GPR158: variants seen among roughly 807,000 people sequenced by gnomAD.
The protein encoded by GPR158 is metabotropic glycine receptor.
Under a neutral mutation model 78.2 loss-of-function variants are expected in GPR158, and 30 were observed. The ratio of observed to expected loss-of-function variants is 0.38; its 90% CI spans 0.29 to 0.52. GPR158 has a LOEUF of 0.52. Among genes scored for constraint, GPR158 ranks in the 20% least tolerant of loss-of-function variants. The probability of loss-of-function intolerance (pLI) is 0.83; values close to 1 mark genes in which losing one functional copy is unlikely to be tolerated. For synonymous variants in GPR158, 581 were observed against 591.1 expected, an observed-to-expected ratio of 0.98 and a Z score of 0.25; for missense variants, 1,463 against 1,523.5, an observed-to-expected ratio of 0.96 and a Z score of 0.66.
chr10:25,405,457 A>C (rs1368322627), intron 3 of GPR158, among the ~76,000 whole-genome samples: 1 of 118,444 alleles, frequency 8.4e-6, no homozygotes, highest in African/African-American at 3.1e-5. Flanking sequence ...TTCTGTAATT[A>C]TTAGTTGAAT....
chr10:25,477,531 A>C (rs560996795), intron 5 of GPR158, among the ~76,000 whole-genome samples: 2 of 152,248 alleles, frequency 1.3e-5, no homozygotes, highest in South Asian at 2.1e-4. Context: ...GAATGGTAGC[A>C]GTTCACTTCT....
chr10:25,466,309 C>A, intron 4 of GPR158: 1 of 190,602 alleles, frequency 5.2e-6, no homozygotes. Flanking sequence ...ACCACGAACC[C>A]TTCGATCGAG....
At chr10:25,287,890 C>T (rs1854375770) in intron 2 of GPR158, among the ~76,000 whole-genome samples, 1 of 152,004 alleles carries the variant, frequency 6.6e-6, no homozygotes. Context: ...CAGTACCAAT[C>T]AATTATGTTT....
At chr10:25,417,662 A>G (rs1459177679) in intron 4 of GPR158, among the ~76,000 whole-genome samples, 1 of 152,180 alleles carries the variant, frequency 6.6e-6, no homozygotes, top group Non-Finnish European at 1.5e-5. Flanking sequence ...TTGATTGTGA[A>G]GCTATGTGCT....
intron 2 of GPR158, among the ~76,000 whole-genome samples, chr10:25,257,096 A>G (rs1234213954): frequency 3.3e-5 from 5 of 152,180 alleles, no homozygotes; most frequent in African/African-American, 4.8e-5. Flanking sequence ...AGTTTTGGAG[A>G]CTGGGAAGTC....
intron 2 of GPR158, among the ~76,000 whole-genome samples, chr10:25,284,102 G>A (rs953306728): frequency 1.5e-4 from 23 of 152,174 alleles, no homozygotes; most frequent in African/African-American, 5.5e-4. Flanking sequence ...GCTGGGTAGA[G>A]TGTTCTATGA....
chr10:25,597,839 C>G lies in GPR158; in HGVS notation c.2213C>G (p.Pro738Arg). The G allele has an allele frequency of 6.5e-7, 1 of 1,537,070 alleles. No homozygotes were observed. Among genetic ancestry groups the G allele is most frequent in the Non-Finnish European group, 8.7e-7 (1 of 1,145,394 alleles). Residue 738 changes from proline to arginine, a missense_variant, in exon 11 of 11, where the codon CCC (proline) becomes CGC (arginine). Coordinates refer to ENST00000376351, the MANE Select transcript of GPR158 (RefSeq NM_020752.3). Reference protein sequence around the residue: ...YKRKKMITNNPHLQKKRCSKK... With the variant: ...YKRKKMITNNRHLQKKRCSKK... ...AGAAAGAAGATGATCACAAACAACC[C>G]CCACCTCCAGAAAAAGCGGTGCTCG...
rs918582605 is a variant in GPR158, at chr10:25,580,908, A to T, written c.1753+8021A>T. Among the ~76,000 whole-genome samples, 178 of 87,806 alleles carry T rather than the reference A, an allele frequency of 2.0e-3. 1 individual carries two copies. Among genetic ancestry groups the T allele is most frequent in the African/African-American group, 0.014 (168 of 12,368 alleles). 57.6% of individuals were successfully genotyped at this position (87,806 alleles called of 152,430 possible). On this transcript the variant is annotated intron_variant, in intron 7 of 10. Coordinates refer to ENST00000376351, the MANE Select transcript of GPR158 (RefSeq NM_020752.3). ...GCCCAGCTAATTTTTTTATTTTTTT[A>T]TTTTATTTTATTTTATTTTATTTTT... is the stretch of plus-strand genomic sequence containing the variant.
At chr10:25,591,016 A>G (rs1316795442) in intron 8 of GPR158, among the ~76,000 whole-genome samples, 2 of 152,130 alleles carry the variant, frequency 1.3e-5, no homozygotes, top group African/African-American at 2.4e-5. Flanking sequence ...AATCTTTTAA[A>G]AGTTTAATAA....
At chr10:25,457,923 GAAAAC>G (rs1321368708) in intron 4 of GPR158, among the ~76,000 whole-genome samples, 1 of 152,064 alleles carries the variant, frequency 6.6e-6, no homozygotes, top group Non-Finnish European at 1.5e-5. Flanking sequence ...TGTAAATTTT[GAAAAC>G]AAAACAACAA....
At chr10:25,584,339 G>C (rs1164301165) in intron 7 of GPR158, among the ~76,000 whole-genome samples, 3 of 152,066 alleles carry the variant, frequency 2.0e-5, no homozygotes, top group Non-Finnish European at 4.4e-5. Flanking sequence ...TTTTTCCTAA[G>C]CACAACTTTT....
At chr10:25,306,025 C>A (rs7083989) in intron 2 of GPR158, among the ~76,000 whole-genome samples, 2 of 151,782 alleles carry the variant, frequency 1.3e-5, no homozygotes, top group African/African-American at 4.9e-5. Context: ...TCCCTCTCTA[C>A]TCCCGTTATT....
intron 2 of GPR158, among the ~76,000 whole-genome samples, chr10:25,297,075 A>G (rs1289274694): frequency 2.0e-5 from 3 of 152,208 alleles, no homozygotes; most frequent in Non-Finnish European, 2.9e-5. Context: ...CACTCTAGCC[A>G]TCACTTGTGA....
At chr10:25,381,486 G>A (rs1176814815) in intron 2 of GPR158, among the ~76,000 whole-genome samples, 2 of 152,132 alleles carry the variant, frequency 1.3e-5, no homozygotes, top group African/African-American at 4.8e-5. Context: ...AATGAGGAAC[G>A]TTGCTAGTAA....
intron 2 of GPR158, among the ~76,000 whole-genome samples, chr10:25,391,620 G>T (rs775799678): frequency 1.2e-4 from 19 of 152,178 alleles, no homozygotes; most frequent in African/African-American, 4.3e-4. Flanking sequence ...TAACCCCATT[G>T]TATCCAGGAA....
At chr10:25,533,836 G>A (rs937537716) in intron 5 of GPR158, among the ~76,000 whole-genome samples, 1 of 152,126 alleles carries the variant, frequency 6.6e-6, no homozygotes, top group Admixed American at 6.5e-5. Flanking sequence ...CCAGACCCCA[G>A]CTGAGTTTAA....
chr10:25,474,133 C>G (rs1180719598), intron 5 of GPR158, among the ~76,000 whole-genome samples: 1 of 151,924 alleles, frequency 6.6e-6, no homozygotes, highest in Non-Finnish European at 1.5e-5. Flanking sequence ...GGTTGCAAGC[C>G]CAAGAATGCA....
chr10:25,349,125 T>C (rs1855418410), intron 2 of GPR158, among the ~76,000 whole-genome samples: 1 of 152,028 alleles, frequency 6.6e-6, no homozygotes, highest in Non-Finnish European at 1.5e-5. Context: ...TCAGCAGGGC[T>C]GGTTACTTCT....
intron 4 of GPR158, among the ~76,000 whole-genome samples, chr10:25,422,002 T>G (rs1392303823): frequency 6.6e-6 from 1 of 152,220 alleles, no homozygotes; most frequent in Non-Finnish European, 1.5e-5. Flanking sequence ...TTTTGAGTTC[T>G]GACTTTTGGC....
Sources: gnomAD v4.1 joint callset for allele counts (sites outside exome capture counted in the v4.1 genomes callset) on GRCh38, gnomAD v4.1.1 for gene constraint, MANE v1.5 for transcripts, NCBI Gene and HGNC (gene_info 2026-07-23, HGNC 2026-07-21) for gene names.